Variants in MMADHC observed in about 807,000 individuals in gnomAD.
MMADHC encodes cobalamin trafficking protein CblD.
Under a neutral mutation model 36.3 loss-of-function variants are expected in MMADHC, and 23 were observed. The observed-to-expected ratio is 0.63, with a 90% CI of 0.46 to 0.90. MMADHC has a LOEUF of 0.90. Among genes scored for constraint, MMADHC ranks in the 40% least tolerant of loss-of-function variants. The pLI is 0.00. For synonymous variants in MMADHC, 97 were observed against 116.1 expected (o/e 0.84, Z 1.06); for missense variants, 330 against 348.0 (o/e 0.95, Z 0.41).
intron 6 of MMADHC, chr2:149,572,340 A>G: frequency 3.1e-6 from 1 of 322,404 alleles, no homozygotes; most frequent in Non-Finnish European, 6.1e-6. Flanking sequence ...GTCTCCAAAA[A>G]AAAAAAATCA....
chr2:149,582,548 C>T (rs1213053084), intron 2 of MMADHC, among the ~76,000 whole-genome samples: 2 of 152,124 alleles, frequency 1.3e-5, no homozygotes, highest in Admixed American at 6.5e-5. Flanking sequence ...AGAGAATAGA[C>T]ATCTAAAAGT....
rs766361763 is a variant in MMADHC, at chr2:149,576,550, G to C, written c.373-8C>G. The C allele has an allele frequency of 1.3e-6, 2 of 1,582,728 alleles. No homozygotes were observed. Among genetic ancestry groups the C allele is most frequent in the Non-Finnish European group, 1.7e-6 (2 of 1,151,656 alleles). On this transcript the variant is annotated splice_region_variant and splice_polypyrimidine_tract_variant and intron_variant, in intron 4 of 7. Coordinates refer to ENST00000303319, the MANE Select transcript of MMADHC (RefSeq NM_015702.3). The stretch of plus-strand genomic sequence containing the variant: ...AACAGGTGCATCATTACCCTAAGGG[G>C]AACAAGGATATAAGTCAACAAAATC...
intron 2 of MMADHC, chr2:149,586,837 A>T: frequency 2.0e-6 from 1 of 493,752 alleles, no homozygotes. Flanking sequence ...TGTATTTAAA[A>T]AATACCGAAA....
At chr2:149,580,471 T>C (rs1005078915) in intron 3 of MMADHC, among the ~76,000 whole-genome samples, 1 of 151,806 alleles carries the variant, frequency 6.6e-6, no homozygotes, top group African/African-American at 2.4e-5. Flanking sequence ...CTTAAAACTT[T>C]AAAAAAAATC....
intron 4 of MMADHC, among the ~76,000 whole-genome samples, chr2:149,576,860 C>T (rs868441444): frequency 6.6e-6 from 1 of 152,118 alleles, no homozygotes; most frequent in Middle Eastern, 3.2e-3. Flanking sequence ...GTTACCTCTT[C>T]TATTTTATGG....
intron 6 of MMADHC, among the ~76,000 whole-genome samples, chr2:149,573,550 T>A (rs1682674075): frequency 6.6e-6 from 1 of 152,196 alleles, no homozygotes; most frequent in Non-Finnish European, 1.5e-5. Context: ...TTTGTTATAA[T>A]TTGTCTTTTA....
chr2:149,579,361 A>G (rs1682761277), intron 4 of MMADHC, 70 bp downstream of exon 4: 2 of 1,335,422 alleles, frequency 1.5e-6, no homozygotes, highest in South Asian at 2.4e-5. Context: ...CAAAAGTAAT[A>G]TGCTTATAAT....
At chr2:149,581,803 A>C (rs1056945749) in intron 3 of MMADHC, among the ~76,000 whole-genome samples, 3 of 152,236 alleles carry the variant, frequency 2.0e-5, no homozygotes, top group Admixed American at 6.5e-5. Context: ...AGTACAAGGT[A>C]CATTTATGAA....
chr2:149,578,179 A>C lies in MMADHC; in HGVS notation c.372+1252T>G, dbSNP rs76105070. ...GTGTCATGCTACAATGACTCTAAAAATCCAGGTAAGACAAAGAGGCCTTGA... is the reference window on the plus strand; with the variant it reads ...GTGTCATGCTACAATGACTCTAAAACTCCAGGTAAGACAAAGAGGCCTTGA... On this transcript the variant is annotated intron_variant, in intron 4 of 7. Transcript: ENST00000303319. 4.5e-4 allele frequency among the ~76,000 whole-genome samples: 68 copies of C among 152,032 alleles called. 1 individual carries two copies. The East Asian group carries it at 0.012, about 28-fold the overall frequency.
intron 3 of MMADHC, among the ~76,000 whole-genome samples, chr2:149,580,361 G>A (rs547829460): frequency 6.6e-5 from 10 of 151,970 alleles, no homozygotes; most frequent in East Asian, 1.9e-4. Flanking sequence ...AAATACGAAC[G>A]GGAAAAAAAA....
intron 2 of MMADHC, among the ~76,000 whole-genome samples, 172 bp from the exon 3 acceptor site, chr2:149,582,443 TA>T (rs1682808742): frequency 6.6e-6 from 1 of 151,338 alleles, no homozygotes; most frequent in Non-Finnish European, 1.5e-5. Flanking sequence ...ATTTTAAAAA[TA>T]AAAATAAAAA....
chr2:149,572,282 T>C (rs1682651867), intron 6 of MMADHC: 1 of 399,182 alleles, frequency 2.5e-6, no homozygotes, highest in Middle Eastern at 4.1e-4. Flanking sequence ...GAGATTGCAG[T>C]GAGCTGAGAT....
intron 7 of MMADHC, among the ~76,000 whole-genome samples, chr2:149,570,721 T>G (rs1356539073): frequency 6.6e-6 from 1 of 152,186 alleles, no homozygotes; most frequent in East Asian, 1.9e-4. Flanking sequence ...CACCTGTATT[T>G]TACTCAATTA....
chr2:149,572,489 T>C (rs1682658588), intron 6 of MMADHC, among the ~76,000 whole-genome samples: 1 of 152,090 alleles, frequency 6.6e-6, no homozygotes. Flanking sequence ...AAGACTATAA[T>C]CTTTGAGAGA....
intron 2 of MMADHC, among the ~76,000 whole-genome samples, chr2:149,585,753 T>A (rs947781293): frequency 2.6e-5 from 4 of 152,214 alleles, no homozygotes; most frequent in African/African-American, 9.7e-5. Context: ...TCTGCATATT[T>A]CATTAGTAAC....
chr2:149,576,532 G>A lies in MMADHC; in HGVS notation c.383C>T (p.Ala128Val), dbSNP rs1341440892. The change falls in exon 5 of 8, where the codon GCA (alanine) becomes GTA (valine). Residue 128 changes from alanine to valine, a missense_variant. By Grantham distance (64) the Ala-to-Val change is moderately conservative (BLOSUM62 0). Transcript: ENST00000303319. ...ACTGTTAATTTCTTGTTCAACAGGT[G>A]CATCATTACCCTAAGGGGAACAAGG... ...QYVNEFQGND[A>V]PVEQEINSAE... 1 of 1,610,810 alleles carries A rather than the reference G, an allele frequency of 6.2e-7. No individual in the cohort carries two copies. Among genetic ancestry groups the A allele is most frequent in the African/African-American group, 1.3e-5 (1 of 74,934 alleles).
At chr2:149,570,436 G>T (rs946067887) in intron 7 of MMADHC, among the ~76,000 whole-genome samples, 1 of 151,996 alleles carries the variant, frequency 6.6e-6, no homozygotes, top group Non-Finnish European at 1.5e-5. Context: ...ATAAACCCTA[G>T]ACAATTATTT....
intron 4 of MMADHC, among the ~76,000 whole-genome samples, chr2:149,578,263 C>T (rs924774040): frequency 2.0e-5 from 3 of 151,864 alleles, no homozygotes; most frequent in East Asian, 1.9e-4. Flanking sequence ...GAGATAAAAG[C>T]GATGTGATTT....
At chr2:149,574,268 A>G (rs1682683209) in intron 6 of MMADHC, among the ~76,000 whole-genome samples, 1 of 152,208 alleles carries the variant, frequency 6.6e-6, no homozygotes, top group African/African-American at 2.4e-5. Context: ...ACTAAGCATT[A>G]TTTTAATATG....
Sources: allele counts gnomAD v4.1 joint callset (sites outside exome capture counted in the v4.1 genomes callset), GRCh38; gene constraint gnomAD v4.1.1; transcripts MANE v1.5; gene names NCBI Gene and HGNC (gene_info 2026-07-23, HGNC 2026-07-21).